The following ZDHHC14 variants were observed in gnomAD, a reference collection of about 807,000 sequenced individuals.
ZDHHC14 encodes the protein zDHHC palmitoyltransferase 14, also known as palmitoyltransferase ZDHHC14.
ZDHHC14 carries 16 observed loss-of-function variants against 47.7 expected under a neutral mutation model. The ratio of observed to expected loss-of-function variants is 0.34; its 90% CI spans 0.23 to 0.51. The LOEUF (loss-of-function observed/expected upper bound fraction) is 0.51, where lower values mean the gene tolerates loss of function less well. Ranked by LOEUF, ZDHHC14 falls within the 20% of genes least tolerant of loss-of-function variation. The pLI is 0.97. For synonymous variants in ZDHHC14, 293 were observed against 278.9 expected (o/e 1.05, Z -0.50); for missense variants, 515 against 662.5 (o/e 0.78, Z 2.44).
chr6:157,481,535 A>G (rs1779630415), intron 1 of ZDHHC14, among the ~76,000 whole-genome samples: 1 of 152,192 alleles, frequency 6.6e-6, no homozygotes, highest in Non-Finnish European at 1.5e-5. Flanking sequence ...TGCTCTGTGC[A>G]GCCCTGGACC....
At chr6:157,588,043 T>C (rs2114884067) in intron 2 of ZDHHC14, among the ~76,000 whole-genome samples, 1 of 152,150 alleles carries the variant, frequency 6.6e-6, no homozygotes, top group South Asian at 2.1e-4. Context: ...CCACCTGAGG[T>C]CAGGAGTTTG....
At chr6:157,580,296 T>C (rs9457852) in intron 2 of ZDHHC14, among the ~76,000 whole-genome samples, 4 of 152,192 alleles carry the variant, frequency 2.6e-5, no homozygotes, top group South Asian at 4.2e-4. Flanking sequence ...AGATTCAGTT[T>C]ATTAGTATTT....
chr6:157,397,406 C>T (rs1215632472), intron 1 of ZDHHC14, among the ~76,000 whole-genome samples: 3 of 152,220 alleles, frequency 2.0e-5, no homozygotes, highest in Non-Finnish European at 2.9e-5. Context: ...TGTGTTCCTT[C>T]TGGCAGCTGT....
chr6:157,487,228 C>T (rs901775662), intron 1 of ZDHHC14, among the ~76,000 whole-genome samples: 3 of 152,136 alleles, frequency 2.0e-5, no homozygotes, highest in Non-Finnish European at 4.4e-5. Context: ...GGGCTGATCT[C>T]AGAAGGATTT....
At chr6:157,489,574 G>C (rs550144692) in intron 1 of ZDHHC14, among the ~76,000 whole-genome samples, 1 of 66,232 alleles carries the variant, frequency 1.5e-5, no homozygotes, top group Non-Finnish European at 3.3e-5. Flanking sequence ...CTGAATTGGA[G>C]GGTGGTGGTT....
rs1562460649 is a variant in ZDHHC14, at chr6:157,522,802, TCCCTCCCTCCCTCCCTCCC to T, written c.246-19782_246-19764del. On this transcript the variant is annotated intron_variant, in intron 1 of 8. Coordinates refer to ENST00000359775, the MANE Select transcript of ZDHHC14 (RefSeq NM_024630.3). ...ATCTCTCTTTCCATTCCTCCCTCCC[TCCCTCCCTCCCTCCCTCCC>T]TCCCTCCCTCCCTCCCTTCCTTCCT... 4.2e-3 allele frequency among the ~76,000 whole-genome samples: 112 copies of T among 26,904 alleles called. 14 individuals carry two copies. Among genetic ancestry groups the T allele is most frequent in the African/African-American group, 0.019 (101 of 5,414 alleles). 17.7% of individuals were successfully genotyped at this position (26,904 alleles called of 152,430 possible).
At chr6:157,540,908 G>GTGTGTGTA (rs1781726548) in intron 1 of ZDHHC14, among the ~76,000 whole-genome samples, 1 of 131,522 alleles carries the variant, frequency 7.6e-6, no homozygotes, top group African/African-American at 3.8e-5. Flanking sequence ...GTGTGTGTGT[G>GTGTGTGTA]TGTATATATA....
At chr6:157,548,764 G>T (rs9457760) in intron 2 of ZDHHC14, among the ~76,000 whole-genome samples, 3 of 152,068 alleles carry the variant, frequency 2.0e-5, no homozygotes, top group Non-Finnish European at 2.9e-5. Flanking sequence ...GTTCTTGACC[G>T]TCACTGTGAT....
chr6:157,447,841 A>G (rs1252861328), intron 1 of ZDHHC14, among the ~76,000 whole-genome samples: 3 of 152,072 alleles, frequency 2.0e-5, no homozygotes, highest in African/African-American at 4.8e-5. Context: ...CCTCAATGAA[A>G]CTATAAGCTC....
intron 2 of ZDHHC14, among the ~76,000 whole-genome samples, chr6:157,545,433 T>C (rs1781932945): frequency 1.3e-5 from 2 of 151,532 alleles, no homozygotes; most frequent in Non-Finnish European, 2.9e-5. Context: ...TCCCAGCACT[T>C]TGGGAGGCCG....
At chr6:157,638,656 T>A (rs917757025) in intron 5 of ZDHHC14, among the ~76,000 whole-genome samples, 1 of 152,218 alleles carries the variant, frequency 6.6e-6, no homozygotes, top group Non-Finnish European at 1.5e-5. Flanking sequence ...GCCTGGGCCC[T>A]GGAAGGATGA....
intron 7 of ZDHHC14, among the ~76,000 whole-genome samples, chr6:157,653,222 TG>T (rs1312199963): frequency 6.6e-6 from 1 of 151,796 alleles, no homozygotes; most frequent in Non-Finnish European, 1.5e-5. Context: ...TGGTGACAGG[TG>T]GGGGTGAGAC....
At position 157,628,448 on chromosome 6, in the gene ZDHHC14, T is replaced by G; in HGVS notation, c.665T>G (p.Val222Gly). 1 of 1,613,398 alleles carries G rather than the reference T, an allele frequency of 6.2e-7. No individual in the cohort carries two copies. The highest frequency in any genetic ancestry group is 8.5e-7 in the Non-Finnish European group (1 of 1,179,902). Residue 222 changes from valine to glycine, a missense_variant, in exon 4 of 9, where the codon GTC (valine) becomes GGC (glycine). By Grantham distance (109) the Val-to-Gly change is moderately radical (BLOSUM62 -3). Around this residue, in one of 4 missense-constraint regions of ZDHHC14, gnomAD observed 229 missense variants for 351.5 expected, o/e 0.65. Coordinates refer to ENST00000359775, the MANE Select transcript of ZDHHC14 (RefSeq NM_024630.3). ...MFILSLSFLTVFIFAFVITHV... is the reference protein window; with the variant it reads ...MFILSLSFLTGFIFAFVITHV... ...ATTTTATCTCTGTCTTTTCTGACAG[T>G]CTTTATATTTGCATTCGTTATCACC...
chr6:157,432,985 G>A (rs1281471734), intron 1 of ZDHHC14, among the ~76,000 whole-genome samples: 6 of 152,260 alleles, frequency 3.9e-5, no homozygotes, highest in Admixed American at 6.5e-5. Context: ...TTCCTTCTGC[G>A]CTGAAATCCC....
At chr6:157,669,727 G>T (rs1414358202) in intron 8 of ZDHHC14, among the ~76,000 whole-genome samples, 1 of 152,230 alleles carries the variant, frequency 6.6e-6, no homozygotes, top group Non-Finnish European at 1.5e-5. Context: ...ATGAGTGAGG[G>T]CTCCAGAGGG....
intron 2 of ZDHHC14, among the ~76,000 whole-genome samples, chr6:157,567,081 C>T (rs1443646612): frequency 2.0e-5 from 3 of 151,978 alleles, no homozygotes; most frequent in Admixed American, 2.0e-4. Context: ...AAACTCCTGA[C>T]CTCAGGGTGA....
At chr6:157,493,419 G>A (rs953495077) in intron 1 of ZDHHC14, among the ~76,000 whole-genome samples, 2 of 152,338 alleles carry the variant, frequency 1.3e-5, no homozygotes, top group African/African-American at 2.4e-5. Flanking sequence ...TGCAGAGGCC[G>A]GACACACAGA....
At chr6:157,653,902 T>C (rs1223456426) in intron 8 of ZDHHC14, among the ~76,000 whole-genome samples, 4 of 152,136 alleles carry the variant, frequency 2.6e-5, no homozygotes, top group Non-Finnish European at 4.4e-5. Flanking sequence ...TTGAGGCACG[T>C]GGATGGAAGC....
At chr6:157,452,626 T>A (rs1778827069) in intron 1 of ZDHHC14, among the ~76,000 whole-genome samples, 1 of 152,058 alleles carries the variant, frequency 6.6e-6, no homozygotes, top group South Asian at 2.1e-4. Flanking sequence ...GAACTTAGAT[T>A]TTATAACCCA....
Sources: allele counts gnomAD v4.1 joint callset (sites outside exome capture counted in the v4.1 genomes callset), GRCh38; gene constraint gnomAD v4.1.1; regional missense constraint gnomAD v4.1.1; transcripts MANE v1.5; gene names NCBI Gene and HGNC (gene_info 2026-07-23, HGNC 2026-07-21).